Variants in ANG observed in about 807,000 individuals in gnomAD.
ANG encodes the protein Homo sapiens epididymis luminal protein 168.
For synonymous variants in ANG, 74 were observed against 73.8 expected (o/e 1.00, Z -0.02); for missense variants, 178 against 187.4 (o/e 0.95, Z 0.29).
intron 1 of ANG, among the ~76,000 whole-genome samples, chr14:20,691,235 A>G (rs1049513625): frequency 3.3e-5 from 5 of 152,226 alleles, no homozygotes; most frequent in African/African-American, 1.2e-4. Flanking sequence ...TTTAGGTACT[A>G]GCAGCTCTGG....
intron 1 of ANG, among the ~76,000 whole-genome samples, chr14:20,691,665 G>A (rs560964694): frequency 2.0e-4 from 30 of 152,274 alleles, no homozygotes; most frequent in African/African-American, 5.5e-4. Context: ...ATGTCGGTGC[G>A]GACAAATTTG....
At chr14:20,688,619 T>C (rs1260087718), upstream of ANG, 26 of 867,366 alleles carry the variant, frequency 3.0e-5, no homozygotes, top group Non-Finnish European at 3.6e-5. Flanking sequence ...CTCTAATCCA[T>C]TCAGGTGGGT....
At chr14:20,690,604 A>T (rs1003090851) in intron 1 of ANG, among the ~76,000 whole-genome samples, 4 of 152,152 alleles carry the variant, frequency 2.6e-5, no homozygotes, top group African/African-American at 9.7e-5. Context: ...CCCCAACTAA[A>T]CTTATACAAA....
chr14:20,686,896 T>C (rs996992196), upstream of ANG, among the ~76,000 whole-genome samples: 1 of 152,164 alleles, frequency 6.6e-6, no homozygotes, highest in African/African-American at 2.4e-5. Flanking sequence ...ACATATATAC[T>C]CTGTATGAAG....
Position 20,693,601 on chromosome 14 carries a change from G to C in ANG, c.37G>C (p.Val13Leu), listed in dbSNP as rs1007714988. ...MGLGVLLLVF[V>L]LGLGLTPPTL... The stretch of plus-strand genomic sequence containing the variant: ...CCTGGGCGTTTTGTTGTTGGTCTTC[G>C]TGCTGGGTCTGGGTCTGACCCCACC... The change falls in exon 2 of 2, where the codon GTG becomes CTG. Residue 13 changes from valine (V) to leucine (L), a missense_variant. Transcript: ENST00000397990. 3.1e-6 allele frequency: 5 copies of C among 1,613,676 alleles called. No individual in the cohort carries two copies. The African/African-American group carries it at 5.3e-5, about 17-fold the overall frequency.
chr14:20,685,884 A>T (rs1179663092), upstream of ANG, among the ~76,000 whole-genome samples: 1 of 152,042 alleles, frequency 6.6e-6, no homozygotes, highest in African/African-American at 2.4e-5. Context: ...TACTAAAAAT[A>T]CAAAAATTAG....
chr14:20,686,608 T>C (rs1011521614), upstream of ANG, among the ~76,000 whole-genome samples: 3 of 152,012 alleles, frequency 2.0e-5, no homozygotes, highest in African/African-American at 7.2e-5. Context: ...AAGCCCAGAG[T>C]TGGTTGAAAA....
intron 1 of ANG, among the ~76,000 whole-genome samples, chr14:20,690,902 C>G (rs1171202864): frequency 6.6e-6 from 1 of 152,226 alleles, no homozygotes. Flanking sequence ...CATCCACGAT[C>G]ACGTGGGTAA....
At position 20,688,844 on chromosome 14, in the gene ANG, T is replaced by A; in HGVS notation, c.-49T>A. On this transcript the variant is annotated 5_prime_UTR_variant, in exon 1 of 2. Transcript: ENST00000397990. ...AACCCATCTCCCGTTGAAGGGAAACTGCCAGATTTTTGTAAGATTCTTCCT... is the reference window on the plus strand; with the variant it reads ...AACCCATCTCCCGTTGAAGGGAAACAGCCAGATTTTTGTAAGATTCTTCCT... The A allele has an allele frequency of 2.0e-6, 2 of 985,408 alleles. No individual in the cohort carries two copies. The highest frequency in any genetic ancestry group is 2.4e-6 in the Non-Finnish European group (2 of 829,932). 61.0% of individuals were successfully genotyped at this position (985,408 alleles called of 1,614,324 possible).
chr14:20,690,756 G>A (rs1886703166), intron 1 of ANG, among the ~76,000 whole-genome samples: 1 of 152,120 alleles, frequency 6.6e-6, no homozygotes, highest in African/African-American at 2.4e-5. Flanking sequence ...CCTAGGCCTG[G>A]AGAGAAAAAT....
intron 1 of ANG, 181 bp from the exon 2 acceptor site, chr14:20,693,366 G>T: frequency 1.3e-6 from 1 of 742,234 alleles, no homozygotes. Context: ...TTAAATAGAC[G>T]TTCCGCAGGA....
rs2139024727 is a variant in ANG at position 20,693,758 on chromosome 14, A to C, written c.194A>C (p.Asp65Ala). ...RRRGLTSPCKDINTFIHGNKR... is the reference protein window; with the variant it reads ...RRRGLTSPCKAINTFIHGNKR... ...CGGGGCCTGACCTCACCCTGCAAAG[A>C]CATCAACACATTTATTCATGGCAAC... The change falls in exon 2 of 2, where the codon GAC (aspartate) becomes GCC (alanine). Residue 65 changes from aspartate to alanine, a missense_variant. Coordinates refer to ENST00000397990, the MANE Select transcript of ANG (RefSeq NM_001097577.3). The C allele has an allele frequency of 1.2e-6, 2 of 1,614,210 alleles. No homozygotes were observed. Among genetic ancestry groups the C allele is most frequent in the East Asian group, 4.5e-5 (2 of 44,888 alleles).
chr14:20,686,091 G>A (rs1200391652), upstream of ANG, among the ~76,000 whole-genome samples: 1 of 151,286 alleles, frequency 6.6e-6, no homozygotes, highest in Non-Finnish European at 1.5e-5. Flanking sequence ...TTCCAGGCCG[G>A]CGAATGCAAT....
intron 1 of ANG, 87 bp from the exon 2 acceptor site, chr14:20,693,460 C>T (rs1379422454): frequency 1.3e-6 from 2 of 1,530,994 alleles, no homozygotes; most frequent in Non-Finnish European, 1.8e-6. Flanking sequence ...TTCATGATGC[C>T]GTGTCAGAGA....
chr14:20,684,237 C>G (rs569509121), upstream of ANG: 1 of 152,282 alleles, frequency 6.6e-6, no homozygotes, highest in Non-Finnish European at 1.5e-5. Context: ...CGACCAGTGT[C>G]AAGACCAAGT....
At chr14:20,684,303 T>C (rs1249035294), upstream of ANG, 4 of 152,202 alleles carry the variant, frequency 2.6e-5, no homozygotes, top group Non-Finnish European at 5.9e-5. Flanking sequence ...CGCCTGGCAA[T>C]TGGGAGCAGA....
chr14:20,693,677 AT>A lies in ANG; in HGVS notation c.114del (p.Tyr38Ter). 6.2e-7 allele frequency: 1 copy of A among 1,614,156 alleles called. No homozygotes were observed. Among genetic ancestry groups the A allele is most frequent in the South Asian group, 1.1e-5 (1 of 91,078 alleles). On this transcript the variant is annotated frameshift_variant, in exon 2 of 2. Transcript: ENST00000397990. LOFTEE classifies it low-confidence loss of function (END_TRUNC). ...TACACACACTTCCTGACCCAGCACT[AT>A]GATGCCAAACCACAGGGCCGGGATG... ...SRYTHFLTQH[Y>X]DAKPQGRDDR... is the part of the protein sequence containing the mutation.
upstream of ANG, among the ~76,000 whole-genome samples, chr14:20,687,680 C>T (rs527790227): frequency 6.6e-6 from 1 of 152,208 alleles, no homozygotes; most frequent in East Asian, 1.9e-4. Context: ...TAATGCCTAC[C>T]TCACACAGTC....
At chr14:20,685,815 G>A (rs1323476241), upstream of ANG, among the ~76,000 whole-genome samples, 1 of 152,084 alleles carries the variant, frequency 6.6e-6, no homozygotes, top group Non-Finnish European at 1.5e-5. Flanking sequence ...GCCGAGGTGG[G>A]TGCATCACAA....
Sources: allele counts gnomAD v4.1 joint callset (sites outside exome capture counted in the v4.1 genomes callset), GRCh38; gene constraint gnomAD v4.1.1; transcripts MANE v1.5; gene names NCBI Gene and HGNC (gene_info 2026-07-23, HGNC 2026-07-21).